The following AGBL1 variants were observed in gnomAD, a reference collection of about 807,000 sequenced individuals.
AGBL1 encodes the protein AGBL carboxypeptidase 1, also known as cytosolic carboxypeptidase 4.
AGBL1 carries 130 observed loss-of-function variants against 118.9 expected under a neutral mutation model. The ratio of observed to expected loss-of-function variants is 1.09; its 90% confidence interval spans 0.95 to 1.26. AGBL1 has a LOEUF of 1.26. AGBL1 is among the 50% of genes most tolerant of loss of function. AGBL1 has a pLI of 0.00. For synonymous variants in AGBL1, 555 were observed against 478.9 expected (o/e 1.16, Z -2.08); for missense variants, 1,584 against 1,298.1 (o/e 1.22, Z -3.38).
chr15:86,727,662 A>T (rs1341554914), intron 22 of AGBL1, among the ~76,000 whole-genome samples: 1 of 152,224 alleles, frequency 6.6e-6, no homozygotes, highest in Non-Finnish European at 1.5e-5. Flanking sequence ...AGTAAAATAG[A>T]GTTTATCTAA....
intron 21 of AGBL1, among the ~76,000 whole-genome samples, chr15:86,608,424 G>T (rs906575531): frequency 6.6e-6 from 1 of 152,180 alleles, no homozygotes; most frequent in African/African-American, 2.4e-5. Context: ...AAGAATATTT[G>T]CCTAAACACA....
In AGBL1 at chr15:86,577,245, A is replaced by G. The variant is rs2084104629; in HGVS notation, c.2994+22708A>G. Among the ~76,000 whole-genome samples the G allele has an allele frequency of 2.0e-5, 3 of 151,896 alleles. No individual in the cohort carries two copies. The South Asian group carries it at 6.3e-4, about 32-fold the overall frequency. ...CTTGTTGTGAACTGGAGCAAAAGTG[A>G]CTCTTGTTATGTTTTAGCGAAGAGA... On this transcript the variant is annotated intron_variant, in intron 21 of 22. Transcript: ENST00000614907.
At chr15:86,091,775 C>A (rs911462649) in intron 1 of AGBL1, among the ~76,000 whole-genome samples, 9 of 152,040 alleles carry the variant, frequency 5.9e-5, no homozygotes, top group Non-Finnish European at 1.3e-4. Context: ...TAAAATAAAT[C>A]TCACAATTTT....
intron 24 of AGBL1, among the ~76,000 whole-genome samples, chr15:87,006,625 AC>A (rs1454760124): frequency 6.6e-6 from 1 of 151,826 alleles, no homozygotes; most frequent in African/African-American, 2.4e-5. Context: ...GAATTCCCTG[AC>A]CCCTTGCACT....
chr15:86,520,728 CA>C (rs1315792941), intron 18 of AGBL1, among the ~76,000 whole-genome samples: 1 of 152,154 alleles, frequency 6.6e-6, no homozygotes, highest in Non-Finnish European at 1.5e-5. Context: ...AAGGAAAAAA[CA>C]AATCCCCAGT....
At chr15:86,607,973 T>G (rs556460620) in intron 21 of AGBL1, among the ~76,000 whole-genome samples, 4 of 152,306 alleles carry the variant, frequency 2.6e-5, no homozygotes, top group African/African-American at 9.6e-5. Context: ...AAGAGAAACA[T>G]GTATTGCTAA....
At chr15:86,345,856 A>G (rs1595995213) in intron 17 of AGBL1, among the ~76,000 whole-genome samples, 1 of 152,194 alleles carries the variant, frequency 6.6e-6, no homozygotes, top group East Asian at 1.9e-4. Flanking sequence ...GGTCATTGGC[A>G]TTTTAATAGG....
At chr15:86,852,174 A>G (rs570502972) in intron 22 of AGBL1, among the ~76,000 whole-genome samples, 39 of 152,148 alleles carry the variant, frequency 2.6e-4, no homozygotes, top group Non-Finnish European at 4.1e-4. Flanking sequence ...GAAACTTACA[A>G]TCATGGTGGA....
At chr15:86,481,976 C>T (rs1156629503) in intron 18 of AGBL1, among the ~76,000 whole-genome samples, 1 of 152,068 alleles carries the variant, frequency 6.6e-6, no homozygotes, top group Non-Finnish European at 1.5e-5. Flanking sequence ...AAACATTGAA[C>T]AGAAAAAGTA....
chr15:86,562,555 T>C (rs1041430220), intron 21 of AGBL1, among the ~76,000 whole-genome samples: 1 of 152,254 alleles, frequency 6.6e-6, no homozygotes, highest in African/African-American at 2.4e-5. Flanking sequence ...CAGTATTTTA[T>C]TGAGGATTTT....
chr15:86,251,532 AGACT>A (rs1444389219), intron 7 of AGBL1, among the ~76,000 whole-genome samples: 1 of 152,190 alleles, frequency 6.6e-6, no homozygotes, highest in Non-Finnish European at 1.5e-5. Flanking sequence ...ACTGAGAATG[AGACT>A]GACTGTAAAG....
intron 18 of AGBL1, among the ~76,000 whole-genome samples, chr15:86,486,688 C>T (rs1156290809): frequency 6.6e-6 from 1 of 152,070 alleles, no homozygotes; most frequent in Non-Finnish European, 1.5e-5. Context: ...TTTAATTTCT[C>T]AACCTCATTG....
intron 17 of AGBL1, among the ~76,000 whole-genome samples, chr15:86,367,257 C>T (rs1047005270): frequency 2.0e-5 from 3 of 152,282 alleles, no homozygotes; most frequent in Middle Eastern, 3.4e-3. Flanking sequence ...AGTCTTTTGC[C>T]ATGCTCCCCT....
At chr15:86,145,981 G>T (rs997874891) in intron 3 of AGBL1, among the ~76,000 whole-genome samples, 1 of 152,212 alleles carries the variant, frequency 6.6e-6, no homozygotes, top group Non-Finnish European at 1.5e-5. Context: ...CAAAGAGTGA[G>T]CCAGGTGGAC....
chr15:86,897,372 T>C (rs893700013), intron 22 of AGBL1, among the ~76,000 whole-genome samples: 8 of 152,182 alleles, frequency 5.3e-5, no homozygotes, highest in African/African-American at 1.9e-4. Flanking sequence ...ATGCACCATT[T>C]TGAGCTACAA....
At chr15:86,698,903 T>C (rs551151936) in intron 22 of AGBL1, among the ~76,000 whole-genome samples, 3 of 152,130 alleles carry the variant, frequency 2.0e-5, no homozygotes, top group African/African-American at 7.2e-5. Context: ...ATTCAACGTT[T>C]TCATTTGATA....
chr15:87,005,725 C>G (rs138261437), intron 24 of AGBL1, among the ~76,000 whole-genome samples: 2 of 152,152 alleles, frequency 1.3e-5, no homozygotes, highest in African/African-American at 4.8e-5. Flanking sequence ...AGCTTTGTTT[C>G]GTTGCTGGTG....
chr15:86,899,256 G>T (rs1567230294), intron 22 of AGBL1, among the ~76,000 whole-genome samples: 1 of 152,180 alleles, frequency 6.6e-6, no homozygotes, highest in East Asian at 1.9e-4. Flanking sequence ...GGAGCTGAAG[G>T]CCATTATCCT....
At chr15:86,774,454 A>G (rs1032531863) in intron 22 of AGBL1, among the ~76,000 whole-genome samples, 1 of 152,132 alleles carries the variant, frequency 6.6e-6, no homozygotes, top group African/African-American at 2.4e-5. Context: ...GCAAATGTTT[A>G]TTTAGAATTT....
Sources: gnomAD v4.1 joint callset for allele counts (sites outside exome capture counted in the v4.1 genomes callset) on GRCh38, gnomAD v4.1.1 for gene constraint, MANE v1.5 for transcripts, NCBI Gene and HGNC (gene_info 2026-07-23, HGNC 2026-07-21) for gene names.